Variants in PKP2 observed in about 807,000 individuals in gnomAD.
PKP2 encodes plakophilin 2, also known as plakophilin-2.
In PKP2, 73 loss-of-function variants were observed where a neutral mutation model predicts 83.4. The ratio of observed to expected loss-of-function variants is 0.88; its 90% CI spans 0.72 to 1.06. The LOEUF is 1.06. PKP2 is among the 50% of genes least tolerant of loss of function. The pLI, the probability that PKP2 is intolerant of heterozygous loss-of-function variation, is 0.00. For missense variants in PKP2, 966 were observed against 1,065.4 expected (o/e 0.91, Z 1.30); for synonymous variants, 409 against 430.4 (o/e 0.95, Z 0.62).
intron 9 of PKP2, among the ~76,000 whole-genome samples, chr12:32,817,570 G>A (rs943863774): frequency 1.3e-5 from 2 of 152,096 alleles, no homozygotes; most frequent in African/African-American, 2.4e-5. Context: ...CCTTTTTAAT[G>A]TCTTAACATG....
At chr12:32,827,864 C>G (rs141999328) in intron 6 of PKP2, among the ~76,000 whole-genome samples, 32 of 152,268 alleles carry the variant, frequency 2.1e-4, no homozygotes, top group African/African-American at 7.2e-4. Flanking sequence ...TTTATTTCCT[C>G]TGGTATAATC....
intron 10 of PKP2, among the ~76,000 whole-genome samples, chr12:32,800,899 T>C (rs1956172482): frequency 6.6e-6 from 1 of 152,238 alleles, no homozygotes; most frequent in South Asian, 2.1e-4. Context: ...TTTCTCTAGA[T>C]GTAAGTAAAA....
chr12:32,886,019 T>A (rs1043223407), intron 1 of PKP2, among the ~76,000 whole-genome samples: 33 of 152,170 alleles, frequency 2.2e-4, no homozygotes, highest in African/African-American at 7.7e-4. Flanking sequence ...TTTCTGGAGA[T>A]GAAGATACAT....
intron 1 of PKP2, among the ~76,000 whole-genome samples, chr12:32,890,320 T>G (rs1957066875): frequency 6.6e-6 from 1 of 152,048 alleles, no homozygotes; most frequent in South Asian, 2.1e-4. Flanking sequence ...ACCCACCCCA[T>G]AAATAGCTTA....
intron 6 of PKP2, among the ~76,000 whole-genome samples, chr12:32,827,117 T>C (rs1956449696): frequency 6.6e-6 from 1 of 152,232 alleles, no homozygotes; most frequent in South Asian, 2.1e-4. Context: ...CTACATACCT[T>C]GCAGATGGAT....
intron 9 of PKP2, among the ~76,000 whole-genome samples, chr12:32,804,407 T>C (rs568527065): frequency 8.5e-5 from 13 of 152,286 alleles, no homozygotes; most frequent in South Asian, 6.2e-4. Flanking sequence ...TCCAATCACC[T>C]AGGTATTAAG....
chr12:32,843,211 G>T (rs1460366599), intron 5 of PKP2: 1 of 617,858 alleles, frequency 1.6e-6, no homozygotes, highest in Non-Finnish European at 2.9e-6. Context: ...TCGAACTCCT[G>T]ACCTCGTGAT....
intron 9 of PKP2, among the ~76,000 whole-genome samples, chr12:32,815,102 T>C (rs1956310145): frequency 6.6e-6 from 1 of 152,220 alleles, no homozygotes; most frequent in Non-Finnish European, 1.5e-5. Context: ...CTGCAAATTA[T>C]GGCCTCCAAT....
intron 3 of PKP2, among the ~76,000 whole-genome samples, chr12:32,872,909 A>G (rs895812175): frequency 6.6e-6 from 1 of 152,316 alleles, no homozygotes; most frequent in South Asian, 2.1e-4. Flanking sequence ...AAAAAAAGGT[A>G]GAGTTGAAAG....
chr12:32,819,313 CAATAA>C (rs1201854178), intron 9 of PKP2, among the ~76,000 whole-genome samples: 101 of 146,468 alleles, frequency 6.9e-4, no homozygotes, highest in African/African-American at 1.1e-3. Context: ...CAATACAATA[CAATAA>C]AATAAAATAA....
chr12:32,824,797 C>T (rs1266108826), intron 6 of PKP2, among the ~76,000 whole-genome samples: 1 of 152,194 alleles, frequency 6.6e-6, no homozygotes, highest in Non-Finnish European at 1.5e-5. Flanking sequence ...TACACTTAGT[C>T]TATTTCTAAT....
intron 9 of PKP2, among the ~76,000 whole-genome samples, chr12:32,819,313 CAATAAAATAA>C (rs1201854178): frequency 4.5e-4 from 66 of 146,362 alleles, no homozygotes; most frequent in Non-Finnish European, 8.0e-4. Context: ...CAATACAATA[CAATAAAATAA>C]AATAAAATAA....
At chr12:32,815,321 T>C (rs1279105830) in intron 9 of PKP2, among the ~76,000 whole-genome samples, 1 of 152,192 alleles carries the variant, frequency 6.6e-6, no homozygotes, top group Non-Finnish European at 1.5e-5. Context: ...TAGCCTGACA[T>C]TTTCTTTCAT....
In PKP2 at chr12:32,850,760, C is replaced by T; in HGVS notation, c.1378+6G>A. On this transcript the variant is annotated splice_donor_region_variant and intron_variant, in intron 5 of 12. Coordinates refer to ENST00000340811, the MANE Select transcript of PKP2 (RefSeq NM_001005242.3). ...GTTAGGTTCTTCAATGTTCAGTAAGCACTACCTGTTATTTGTTTTTTAGTC... is the reference window on the plus strand; with the variant it reads ...GTTAGGTTCTTCAATGTTCAGTAAGTACTACCTGTTATTTGTTTTTTAGTC... 1 of 1,607,320 alleles carries T rather than the reference C, an allele frequency of 6.2e-7. No individual in the cohort carries two copies. The highest frequency in any genetic ancestry group is 8.5e-7 in the Non-Finnish European group (1 of 1,175,554).
chr12:32,826,254 C>T (rs528091486), intron 6 of PKP2, among the ~76,000 whole-genome samples: 11 of 145,112 alleles, frequency 7.6e-5, no homozygotes, highest in African/African-American at 2.6e-4. Flanking sequence ...TGCAGTGAGC[C>T]GAGATCGTGC....
chr12:32,833,380 T>G (rs1460086605), intron 6 of PKP2, among the ~76,000 whole-genome samples: 1 of 152,202 alleles, frequency 6.6e-6, no homozygotes, highest in African/African-American at 2.4e-5. Flanking sequence ...TTTTTTGGTG[T>G]GTATGTGCTG....
intron 10 of PKP2, 149 bp from the exon 11 acceptor site, chr12:32,796,447 A>G: frequency 1.4e-6 from 1 of 726,058 alleles, no homozygotes; most frequent in Admixed American, 2.4e-5. Flanking sequence ...CAGTGGCACC[A>G]TCTTGGCTCA....
intron 4 of PKP2, among the ~76,000 whole-genome samples, chr12:32,861,481 T>C (rs1956797151): frequency 6.6e-6 from 1 of 152,196 alleles, no homozygotes; most frequent in South Asian, 2.1e-4. Flanking sequence ...AATGTATTAA[T>C]GGCATATTAA....
rs569287916 is a variant in PKP2 at position 32,794,155 on chromosome 12, G to A, written c.2358-1424C>T. The stretch of plus-strand genomic sequence containing the variant: ...CTCCATACTAGCCTGGCAGGGAGGA[G>A]CAGTCAAATCAGCACTTATTAGTAA... On this transcript the variant is annotated intron_variant, in intron 11 of 12. Coordinates refer to ENST00000340811, the MANE Select transcript of PKP2 (RefSeq NM_001005242.3). 9.2e-5 allele frequency among the ~76,000 whole-genome samples: 14 copies of A among 152,300 alleles called. No individual in the cohort carries two copies. The East Asian group carries it at 2.5e-3, about 27-fold the overall frequency.
Sources: gnomAD v4.1 joint callset for allele counts (sites outside exome capture counted in the v4.1 genomes callset) on GRCh38, gnomAD v4.1.1 for gene constraint, MANE v1.5 for transcripts, NCBI Gene and HGNC (gene_info 2026-07-23, HGNC 2026-07-21) for gene names.